Variants in C2orf42 observed in about 807,000 individuals in gnomAD.
C2orf42 encodes uncharacterized protein C2orf42.
C2orf42 carries 44 observed loss-of-function variants against 58.9 expected under a neutral mutation model. The ratio of observed to expected loss-of-function variants is 0.75; its 90% CI spans 0.59 to 0.96. The LOEUF is 0.96. Among genes scored for constraint, C2orf42 ranks in the 40% least tolerant of loss-of-function variants. The pLI is 0.00. For synonymous variants in C2orf42, 239 were observed against 265.4 expected (o/e 0.90, Z 0.97); for missense variants, 630 against 699.2 (o/e 0.90, Z 1.12).
chr2:70,173,516 A>T (rs1673973786), intron 5 of C2orf42, among the ~76,000 whole-genome samples: 1 of 152,110 alleles, frequency 6.6e-6, no homozygotes, highest in Non-Finnish European at 1.5e-5. Context: ...ACCTCAAGTG[A>T]TCCATCCGCC....
rs765865318 is a variant in C2orf42, at chr2:70,150,333, A to C, written c.*23T>G. On this transcript the variant is annotated 3_prime_UTR_variant, in exon 10 of 10. Coordinates refer to ENST00000264434, the MANE Select transcript of C2orf42 (RefSeq NM_017880.3). The stretch of plus-strand genomic sequence containing the variant: ...GTGGGGATGTGCAAATTAAGCAGCA[A>C]AAGATTATTATCTTGTTTTGCTTTA... 3.1e-6 allele frequency: 5 copies of C among 1,604,186 alleles called. No individual in the cohort carries two copies. In the African/African-American group the frequency reaches 6.7e-5, roughly 21 times the overall value.
chr2:70,177,072 G>A (rs1365237310), intron 4 of C2orf42, among the ~76,000 whole-genome samples: 4 of 152,052 alleles, frequency 2.6e-5, no homozygotes, highest in Non-Finnish European at 5.9e-5. Flanking sequence ...AGGAGTTTGA[G>A]ACCAGTCTGG....
intron 4 of C2orf42, among the ~76,000 whole-genome samples, chr2:70,178,092 G>A (rs1259734879): frequency 6.6e-6 from 1 of 152,102 alleles, no homozygotes; most frequent in Non-Finnish European, 1.5e-5. Flanking sequence ...TTGCTAATTT[G>A]GTAGCAAAAG....
intron 6 of C2orf42, among the ~76,000 whole-genome samples, chr2:70,168,853 C>T (rs1405368362): frequency 6.6e-6 from 1 of 151,618 alleles, no homozygotes; most frequent in Non-Finnish European, 1.5e-5. Flanking sequence ...TTTGGGACTA[C>T]AGGCACCCAC....
chr2:70,174,595 CAAGACAT>C (rs1674060496), intron 5 of C2orf42, among the ~76,000 whole-genome samples: 2 of 152,014 alleles, frequency 1.3e-5, no homozygotes, highest in Admixed American at 1.3e-4. Context: ...ACACCACAGT[CAAGACAT>C]AAAACAGTCC....
chr2:70,161,700 C>T (rs1350778289), intron 8 of C2orf42, among the ~76,000 whole-genome samples: 1 of 151,766 alleles, frequency 6.6e-6, no homozygotes, highest in South Asian at 2.1e-4. Flanking sequence ...ATTAGCCAGG[C>T]GTGGTGGCAG....
Position 70,189,667 on chromosome 2 carries a change from G to A in C2orf42, c.-282+1306C>T, listed in dbSNP as rs1404948279. Among the ~76,000 whole-genome samples the A allele has an allele frequency of 2.8e-5, 4 of 144,688 alleles. No homozygotes were observed. In the South Asian group the frequency reaches 6.6e-4, roughly 24 times the overall value. The allele number at this position is 144,688 out of a possible 152,430, so 94.9% of individuals were successfully genotyped here. On this transcript the variant is annotated intron_variant, in intron 1 of 9. Transcript: ENST00000264434. The stretch of plus-strand genomic sequence containing the variant: ...TGGGGGGTGGAGCCTGCAGTGAGCC[G>A]AGATCGTGCCACTGCACTCCAGCCT...
intron 8 of C2orf42, among the ~76,000 whole-genome samples, chr2:70,164,389 G>A (rs180873845): frequency 2.6e-5 from 4 of 152,090 alleles, no homozygotes; most frequent in Admixed American, 2.6e-4. Context: ...CTCATGCCTT[G>A]TAATCCCAGC....
rs1448127416 is a variant in C2orf42 at position 70,156,183 on chromosome 2, C to CA, written c.1516+4441dup. 2.6e-5 allele frequency among the ~76,000 whole-genome samples: 4 copies of CA among 151,858 alleles called. No individual in the cohort carries two copies. The East Asian group carries it at 7.7e-4, about 29-fold the overall frequency. ...AAAAAAAAGAATATGGTATCACCTT[C>CA]AAAAACTATGAAGACAAGACAGAGA... On this transcript the variant is annotated intron_variant, in intron 9 of 9. Coordinates refer to ENST00000264434, the MANE Select transcript of C2orf42 (RefSeq NM_017880.3).
chr2:70,188,472 GAGCCGCTAT>G (rs1675104761), intron 1 of C2orf42, among the ~76,000 whole-genome samples: 1 of 152,198 alleles, frequency 6.6e-6, no homozygotes, highest in African/African-American at 2.4e-5. Context: ...TTACAGGCGT[GAGCCGCTAT>G]GCCTGGCCTC....
intron 9 of C2orf42, among the ~76,000 whole-genome samples, chr2:70,160,379 G>A (rs961511989): frequency 6.6e-5 from 10 of 152,106 alleles, no homozygotes; most frequent in African/African-American, 2.4e-4. Flanking sequence ...CTAACGTCAA[G>A]CAATCCACCT....
chr2:70,165,033 T>A (rs779190163), intron 8 of C2orf42, 59 bp downstream of exon 8: 32 of 865,512 alleles, frequency 3.7e-5, no homozygotes, highest in Non-Finnish European at 6.0e-5. Flanking sequence ...ATAGTCCCTG[T>A]ACTTGCCTCC....
At chr2:70,164,385 C>T (rs1159693667) in intron 8 of C2orf42, among the ~76,000 whole-genome samples, 1 of 151,682 alleles carries the variant, frequency 6.6e-6, no homozygotes, top group Non-Finnish European at 1.5e-5. Context: ...GTGGCTCATG[C>T]CTTGTAATCC....
At chr2:70,161,840 C>CAAAAAA in intron 8 of C2orf42, among the ~76,000 whole-genome samples, 1 of 77,484 alleles carries the variant, frequency 1.3e-5, no homozygotes, top group Admixed American at 1.3e-4. Context: ...AAGTCCGTGT[C>CAAAAAA]AAAAAAAAAA....
At chr2:70,176,960 A>G (rs1233884059) in intron 4 of C2orf42, among the ~76,000 whole-genome samples, 1 of 152,126 alleles carries the variant, frequency 6.6e-6, no homozygotes, top group Non-Finnish European at 1.5e-5. Flanking sequence ...ACCAATAATT[A>G]TTTCCTTAGA....
At chr2:70,184,812 C>T (rs995504448) in intron 1 of C2orf42, among the ~76,000 whole-genome samples, 14 of 149,392 alleles carry the variant, frequency 9.4e-5, no homozygotes, top group African/African-American at 1.5e-4. Flanking sequence ...TGTTTTAGGC[C>T]GGGCGCAGTG....
At position 70,181,570 on chromosome 2, in the gene C2orf42, G is replaced by A. The variant is rs201082811; in HGVS notation, c.416C>T (p.Ala139Val). The change falls in exon 3 of 10, where the codon GCG becomes GTG. Residue 139 changes from alanine (A) to valine (V), a missense_variant. Transcript: ENST00000264434. ...GGTGGCCTCTGCCTGGCAGTTCACC[G>A]CCAGCTTGATGTGCTGGCACTGGTT... The part of the protein sequence containing the change: ...VENQCQHIKL[A>V]VNCQAEATPL... 69 of 1,613,990 alleles carry A rather than the reference G, an allele frequency of 4.3e-5. No homozygotes were observed. The highest frequency in any genetic ancestry group is 3.1e-5 in the Non-Finnish European group (36 of 1,180,012).
At chr2:70,162,248 T>C (rs1228527275) in intron 8 of C2orf42, among the ~76,000 whole-genome samples, 1 of 151,706 alleles carries the variant, frequency 6.6e-6, no homozygotes, top group Admixed American at 6.6e-5. Flanking sequence ...TGACCTCAGG[T>C]GATCTGCCCA....
chr2:70,165,026 G>C (rs972778487), intron 8 of C2orf42, 66 bp downstream of exon 8: 8 of 785,894 alleles, frequency 1.0e-5, no homozygotes, highest in African/African-American at 3.5e-5. Context: ...TGCAAATATA[G>C]TCCCTGTACT....
Sources: gnomAD v4.1 joint callset for allele counts (sites outside exome capture counted in the v4.1 genomes callset) on GRCh38, gnomAD v4.1.1 for gene constraint, MANE v1.5 for transcripts, NCBI Gene and HGNC (gene_info 2026-07-23, HGNC 2026-07-21) for gene names.